Variants in PTPN14 observed in about 807,000 individuals in gnomAD.
PTPN14 encodes tyrosine-protein phosphatase non-receptor type 14.
A neutral mutation model predicts 126.8 loss-of-function variants in PTPN14; 53 were observed. The observed-to-expected ratio is 0.42, with a 90% CI of 0.34 to 0.53. The LOEUF is 0.53. Among genes scored for constraint, PTPN14 ranks in the 20% least tolerant of loss-of-function variants. The pLI, the probability that PTPN14 is intolerant of heterozygous loss-of-function variation, is 0.08. For synonymous variants in PTPN14, 630 were observed against 599.3 expected (o/e 1.05, Z -0.75); for missense variants, 1,257 against 1,552.9 (o/e 0.81, Z 3.20).
intron 1 of PTPN14, among the ~76,000 whole-genome samples, chr1:214,485,347 C>A (rs931206152): frequency 2.0e-5 from 3 of 152,084 alleles, no homozygotes; most frequent in African/African-American, 7.2e-5. Context: ...ATGCTTCTAG[C>A]GGAAGGAAGG....
At chr1:214,446,239 A>G (rs1163870427) in intron 3 of PTPN14, among the ~76,000 whole-genome samples, 1 of 152,054 alleles carries the variant, frequency 6.6e-6, no homozygotes, top group East Asian at 1.9e-4. Context: ...TTCTTTTAAC[A>G]TTTCTATAAC....
intron 6 of PTPN14, 22 bp downstream of exon 6, chr1:214,402,861 C>A: frequency 6.2e-7 from 1 of 1,612,100 alleles, no homozygotes; most frequent in Non-Finnish European, 8.5e-7. Context: ...GCAGGCAGCC[C>A]CTTACCCTCT....
chr1:214,445,632 A>C (rs1162926045), intron 3 of PTPN14, among the ~76,000 whole-genome samples: 1 of 151,960 alleles, frequency 6.6e-6, no homozygotes, highest in East Asian at 1.9e-4. Context: ...GCCTAAATTC[A>C]CTCTTCAAAA....
In PTPN14 at chr1:214,543,939, A is replaced by C. The variant is rs1038901210; in HGVS notation, c.-155+7244T>G. Among the ~76,000 whole-genome samples, 5 of 152,028 alleles carry C rather than the reference A, an allele frequency of 3.3e-5. No individual in the cohort carries two copies. In the East Asian group the frequency reaches 5.8e-4, roughly 18 times the overall value. On this transcript the variant is annotated intron_variant, in intron 1 of 18. Coordinates refer to ENST00000366956, the MANE Select transcript of PTPN14 (RefSeq NM_005401.5). ...CGGCCACACTTTTAAAAAATAATCAACTCCAATTCATTATCTGCAAAATGG... is the reference window on the plus strand; with the variant it reads ...CGGCCACACTTTTAAAAAATAATCACCTCCAATTCATTATCTGCAAAATGG...
rs1657752435 is a variant in PTPN14 at position 214,353,717 on chromosome 1, A to G, written c.*4205T>C. The G allele has an allele frequency of 6.6e-6, 1 of 152,226 alleles. No individual in the cohort carries two copies. Among genetic ancestry groups the G allele is most frequent in the African/African-American group, 2.4e-5 (1 of 41,464 alleles). The allele number at this position is 152,226 out of a possible 1,614,324, so 9.4% of individuals were successfully genotyped here. A position where few individuals can be genotyped will look rare whatever the true frequency, so the allele number is the denominator to read the frequency against. On this transcript the variant is annotated 3_prime_UTR_variant, in exon 19 of 19. Transcript: ENST00000366956. ...CTGCAGTGCACTATCTACCTCTGCA[A>G]CTTCCATGTCCCAGGAGATGGCCCA...
At chr1:214,382,261 C>T (rs10158201) in intron 13 of PTPN14, among the ~76,000 whole-genome samples, 42,745 of 152,014 alleles carry the variant, frequency 0.28, 6,030 homozygotes, top group South Asian at 0.34. Flanking sequence ...AGATTCACTT[C>T]GTTGTTCTAT....
At chr1:214,536,137 C>G (rs1178771445) in intron 1 of PTPN14, among the ~76,000 whole-genome samples, 2 of 151,362 alleles carry the variant, frequency 1.3e-5, no homozygotes, top group African/African-American at 4.8e-5. Flanking sequence ...CACCTATAAT[C>G]CCAGAATTTT....
chr1:214,467,187 A>C (rs6684018), intron 1 of PTPN14, among the ~76,000 whole-genome samples: 125,535 of 151,584 alleles, frequency 0.83, 52,010 homozygotes, highest in African/African-American at 0.89. Context: ...CCCCCAACCC[A>C]AAGAAAAACA....
intron 10 of PTPN14, among the ~76,000 whole-genome samples, chr1:214,391,493 T>G (rs1658750490): frequency 6.6e-6 from 1 of 152,154 alleles, no homozygotes; most frequent in Non-Finnish European, 1.5e-5. Context: ...ATATTTTTAG[T>G]GTGACCATAT....
intron 1 of PTPN14, chr1:214,532,638 G>T (rs1274640403): frequency 7.9e-6 from 7 of 882,816 alleles, no homozygotes; most frequent in Middle Eastern, 2.8e-4. Context: ...GCATCGTTCT[G>T]CAGACTGACA....
intron 4 of PTPN14, among the ~76,000 whole-genome samples, chr1:214,412,863 T>TTTTA (rs1199131268): frequency 6.6e-6 from 1 of 151,908 alleles, no homozygotes; most frequent in African/African-American, 2.4e-5. Context: ...AAACAAAGCT[T>TTTTA]TTTATTTATT....
chr1:214,394,432 G>A (rs911494602), intron 9 of PTPN14, among the ~76,000 whole-genome samples: 1 of 152,180 alleles, frequency 6.6e-6, no homozygotes. Context: ...TTGTGAGATG[G>A]AGTCTAGCTC....
chr1:214,490,995 GGAAAGGAAAGAAA>G (rs1265477082), intron 1 of PTPN14, among the ~76,000 whole-genome samples: 1 of 77,672 alleles, frequency 1.3e-5, no homozygotes, highest in African/African-American at 5.0e-5. Context: ...AGGAAGGGAA[GGAAAGGAAAGAAA>G]GGAAGAAAGG....
chr1:214,507,409 C>T (rs977081331), intron 1 of PTPN14, among the ~76,000 whole-genome samples: 5 of 152,172 alleles, frequency 3.3e-5, no homozygotes, highest in African/African-American at 7.2e-5. Flanking sequence ...CATGCTCTAT[C>T]AGTAAAGGAC....
intron 3 of PTPN14, among the ~76,000 whole-genome samples, chr1:214,424,760 G>C (rs1355395064): frequency 6.6e-6 from 1 of 152,144 alleles, no homozygotes; most frequent in Admixed American, 6.5e-5. Context: ...TGTTGGCAAG[G>C]CTGGTCTTGA....
At chr1:214,520,063 A>ATATATATATAT (rs1173435556) in intron 1 of PTPN14, among the ~76,000 whole-genome samples, 61 of 78,072 alleles carry the variant, frequency 7.8e-4, no homozygotes, top group African/African-American at 4.1e-3. Context: ...AAAAAAAAAA[A>ATATATATATAT]AAATATATAT....
At chr1:214,426,990 T>C (rs1659679059) in intron 3 of PTPN14, among the ~76,000 whole-genome samples, 1 of 152,134 alleles carries the variant, frequency 6.6e-6, no homozygotes, top group Non-Finnish European at 1.5e-5. Flanking sequence ...TAAAAAAAAT[T>C]ATGATTACAG....
intron 2 of PTPN14, among the ~76,000 whole-genome samples, chr1:214,456,768 C>T (rs575381020): frequency 2.0e-5 from 3 of 152,154 alleles, no homozygotes; most frequent in South Asian, 2.1e-4. Flanking sequence ...ATGGAGATGC[C>T]GGTGCCATTA....
chr1:214,550,135 G>A (rs1449559182), intron 1 of PTPN14, among the ~76,000 whole-genome samples: 1 of 152,146 alleles, frequency 6.6e-6, no homozygotes, highest in African/African-American at 2.4e-5. Context: ...ATTCTTCACC[G>A]GCCTTCAAGT....
Sources: gnomAD v4.1 joint callset for allele counts (sites outside exome capture counted in the v4.1 genomes callset) on GRCh38, gnomAD v4.1.1 for gene constraint, MANE v1.5 for transcripts, NCBI Gene and HGNC (gene_info 2026-07-23, HGNC 2026-07-21) for gene names.